The following ROBO2 variants were observed in gnomAD, a reference collection of about 807,000 sequenced individuals.
The protein encoded by ROBO2 is roundabout homolog 2.
In ROBO2, 53 loss-of-function variants were observed where a neutral mutation model predicts 160.8. The ratio of observed to expected loss-of-function variants is 0.33; its 90% CI spans 0.26 to 0.41. The LOEUF (loss-of-function observed/expected upper bound fraction) is 0.41. Ranked by LOEUF, ROBO2 falls within the 10% of genes least tolerant of loss-of-function variation. ROBO2 has a pLI of 1.00. For missense variants in ROBO2, 1,577 were observed against 1,722.4 expected (o/e 0.92, Z 1.49); for synonymous variants, 664 against 611.7 (o/e 1.09, Z -1.26).
chr3:76,313,457 T>C (rs2107800440), intron 2 of ROBO2, among the ~76,000 whole-genome samples: 1 of 152,332 alleles, frequency 6.6e-6, no homozygotes, highest in Non-Finnish European at 1.5e-5. Context: ...CTTTTCACAA[T>C]GTAAGGATCT....
intron 2 of ROBO2, among the ~76,000 whole-genome samples, chr3:76,193,124 G>T (rs1702092096): frequency 6.6e-6 from 1 of 152,006 alleles, no homozygotes; most frequent in African/African-American, 2.4e-5. Context: ...TACCATTTTT[G>T]GAGGTACTTC....
At chr3:76,441,431 A>G (rs542611203) in intron 2 of ROBO2, among the ~76,000 whole-genome samples, 30 of 152,184 alleles carry the variant, frequency 2.0e-4, no homozygotes, top group Non-Finnish European at 1.2e-4. Context: ...AGAGTATCAG[A>G]TATTTGGAAG....
intron 2 of ROBO2, among the ~76,000 whole-genome samples, chr3:76,915,139 CTTG>C (rs1577447364): frequency 6.6e-6 from 1 of 152,018 alleles, no homozygotes; most frequent in Admixed American, 6.6e-5. Flanking sequence ...TTGTTTATTT[CTTG>C]TTGTTCTCCC....
At chr3:76,742,140 A>C (rs1043093619) in intron 2 of ROBO2, among the ~76,000 whole-genome samples, 2 of 152,154 alleles carry the variant, frequency 1.3e-5, no homozygotes, top group Non-Finnish European at 2.9e-5. Flanking sequence ...TTTCCTGACA[A>C]TGATCAAACA....
chr3:77,000,129 TTTTGGCCAAAAA>T (rs1242376289), intron 2 of ROBO2, among the ~76,000 whole-genome samples: 1 of 152,064 alleles, frequency 6.6e-6, no homozygotes, highest in Non-Finnish European at 1.5e-5. Context: ...CAGGTCCTGA[TTTTGGCCAAAAA>T]TACTCCCCAA....
At chr3:76,856,370 C>T (rs777033698) in intron 2 of ROBO2, among the ~76,000 whole-genome samples, 1 of 152,162 alleles carries the variant, frequency 6.6e-6, no homozygotes, top group Non-Finnish European at 1.5e-5. Flanking sequence ...ATGATTACTA[C>T]AGTGGAACAA....
At position 77,527,455 on chromosome 3, in the gene ROBO2, C is replaced by T. The variant is rs932597389; in HGVS notation, c.934+4553C>T. ...TCTATCCACTAAGCATGGCTTTGCA[C>T]AGTGCTTCATAACTCATGCATAGTA... is the stretch of plus-strand genomic sequence containing the variant. On this transcript the variant is annotated intron_variant, in intron 6 of 25. Coordinates refer to ENST00000461745, the Ensembl canonical transcript of ROBO2. The T allele has an allele frequency of 1.7e-5, 21 of 1,265,520 alleles. No individual in the cohort carries two copies. The African/African-American group carries it at 2.6e-4, about 16-fold the overall frequency. The allele number at this position is 1,265,520 out of a possible 1,614,324, so 78.4% of individuals were successfully genotyped here.
chr3:76,579,007 A>G (rs574008988), intron 2 of ROBO2, among the ~76,000 whole-genome samples: 3 of 152,134 alleles, frequency 2.0e-5, no homozygotes, highest in East Asian at 1.9e-4. Flanking sequence ...TCTATAATAC[A>G]TCTCTTGAAA....
At chr3:77,376,584 G>A (rs1298058297) in intron 2 of ROBO2, among the ~76,000 whole-genome samples, 1 of 152,112 alleles carries the variant, frequency 6.6e-6, no homozygotes, top group Non-Finnish European at 1.5e-5. Context: ...CCCTTATAAA[G>A]TCACTTTCCT....
intron 2 of ROBO2, among the ~76,000 whole-genome samples, chr3:77,313,319 C>T (rs2063706794): frequency 6.6e-6 from 1 of 152,104 alleles, no homozygotes; most frequent in African/African-American, 2.4e-5. Flanking sequence ...GTAATCATAT[C>T]AGGGTAATTA....
intron 2 of ROBO2, among the ~76,000 whole-genome samples, chr3:76,038,721 A>G (rs985393687): frequency 6.6e-6 from 1 of 151,740 alleles, no homozygotes; most frequent in African/African-American, 2.4e-5. Flanking sequence ...TAGCCATCTG[A>G]CATTCTCCTT....
chr3:76,968,046 A>C (rs1475408695), intron 2 of ROBO2, among the ~76,000 whole-genome samples: 4 of 152,054 alleles, frequency 2.6e-5, no homozygotes, highest in Non-Finnish European at 5.9e-5. Flanking sequence ...TTGTTTATAT[A>C]TATATTTTTT....
chr3:75,959,370 A>G (rs1948828430), intron 2 of ROBO2, among the ~76,000 whole-genome samples: 1 of 151,760 alleles, frequency 6.6e-6, no homozygotes, highest in African/African-American at 2.4e-5. Flanking sequence ...AGATATTATT[A>G]GGCATTACCT....
exon 20 of ROBO2, chr3:77,602,246 C>G: frequency 6.2e-7 from 1 of 1,614,188 alleles, no homozygotes. Flanking sequence ...GGGGATAAAA[C>G]AGCAACGATG....
intron 2 of ROBO2, among the ~76,000 whole-genome samples, chr3:76,451,487 A>G (rs1170140293): frequency 6.6e-6 from 1 of 152,172 alleles, no homozygotes; most frequent in Non-Finnish European, 1.5e-5. Flanking sequence ...ATTTATTACT[A>G]TAGAAGATTT....
intron 2 of ROBO2, among the ~76,000 whole-genome samples, chr3:76,355,197 C>T (rs1206538656): frequency 6.6e-6 from 1 of 151,626 alleles, no homozygotes; most frequent in African/African-American, 2.4e-5. Context: ...TAATTGATTA[C>T]AATTTTTTGG....
chr3:77,214,617 T>C (rs1213667645), intron 2 of ROBO2, among the ~76,000 whole-genome samples: 2 of 152,232 alleles, frequency 1.3e-5, no homozygotes, highest in Non-Finnish European at 2.9e-5. Context: ...TTTGAACCTG[T>C]CATTATGATG....
intron 2 of ROBO2, among the ~76,000 whole-genome samples, chr3:77,165,089 G>T (rs1246566657): frequency 2.0e-5 from 3 of 152,070 alleles, no homozygotes; most frequent in Non-Finnish European, 4.4e-5. Context: ...GAACGGGCCA[G>T]GATGACAATG....
At chr3:77,505,384 G>A (rs1436140921) in intron 5 of ROBO2, among the ~76,000 whole-genome samples, 1 of 151,888 alleles carries the variant, frequency 6.6e-6, no homozygotes, top group Non-Finnish European at 1.5e-5. Context: ...ATTGGAAAAA[G>A]AGAAATTAAA....
Sources: gnomAD v4.1 joint callset for allele counts (sites outside exome capture counted in the v4.1 genomes callset) on GRCh38, gnomAD v4.1.1 for gene constraint, MANE v1.5 for transcripts, NCBI Gene and HGNC (gene_info 2026-07-23, HGNC 2026-07-21) for gene names.